PEX14: variants seen among roughly 807,000 people sequenced by gnomAD.
PEX14 encodes the protein peroxisomal membrane protein PEX14.
A neutral mutation model predicts 49.5 loss-of-function variants in PEX14; 15 were observed. The observed-to-expected ratio is 0.30, with a 90% confidence interval of 0.20 to 0.47. The LOEUF (loss-of-function observed/expected upper bound fraction) is 0.47, where lower values mean the gene tolerates loss of function less well. PEX14 is among the 20% of genes least tolerant of loss of function. PEX14 has a pLI of 1.00. For synonymous variants in PEX14, 210 were observed against 212.7 expected (o/e 0.99, Z 0.11); for missense variants, 398 against 494.8 (o/e 0.80, Z 1.86).
intron 3 of PEX14, among the ~76,000 whole-genome samples, chr1:10,572,828 G>A (rs34697250): frequency 1.3e-5 from 2 of 152,158 alleles, no homozygotes; most frequent in South Asian, 2.1e-4. Flanking sequence ...GAGCTACCGC[G>A]CCTGGCCAGA....
chr1:10,502,664 G>A (rs1641702065), intron 2 of PEX14, among the ~76,000 whole-genome samples: 1 of 152,050 alleles, frequency 6.6e-6, no homozygotes, highest in African/African-American at 2.4e-5. Flanking sequence ...TGTTGTTCCT[G>A]TAATCAGAGG....
intron 2 of PEX14, among the ~76,000 whole-genome samples, chr1:10,499,494 G>A (rs1007872871): frequency 7.0e-6 from 1 of 142,970 alleles, no homozygotes; most frequent in Non-Finnish European, 1.5e-5. Flanking sequence ...TGTCACCCAG[G>A]CTGGAGTGCA....
At chr1:10,541,045 G>A (rs1000493868) in intron 3 of PEX14, among the ~76,000 whole-genome samples, 2 of 152,130 alleles carry the variant, frequency 1.3e-5, no homozygotes, top group African/African-American at 4.8e-5. Context: ...CTTTCTGTTC[G>A]TTATAGACGA....
chr1:10,506,541 T>A (rs1024059116), intron 2 of PEX14, among the ~76,000 whole-genome samples: 1 of 152,216 alleles, frequency 6.6e-6, no homozygotes, highest in Non-Finnish European at 1.5e-5. Flanking sequence ...CCTCCCAAAG[T>A]TCTGGGATTA....
At chr1:10,580,052 A>G (rs952224138) in intron 3 of PEX14, among the ~76,000 whole-genome samples, 2 of 152,072 alleles carry the variant, frequency 1.3e-5, no homozygotes, top group Non-Finnish European at 2.9e-5. Flanking sequence ...TGTTAAATAC[A>G]TAGGAAAATA....
In PEX14 at chr1:10,529,209, C is replaced by G. The variant is rs1020239369; in HGVS notation, c.85-7004C>G. Among the ~76,000 whole-genome samples, 1 of 152,226 alleles carries G rather than the reference C, an allele frequency of 6.6e-6. No individual in the cohort carries two copies. Among genetic ancestry groups the G allele is most frequent in the African/African-American group, 2.4e-5 (1 of 41,462 alleles). ...ACCTTTCCTAAAAAGGAACTTTGAT[C>G]TTCCCAACCCACAAGCAAGGGTTTC... On this transcript the variant is annotated intron_variant, in intron 2 of 8. Transcript: ENST00000356607. This position sits in a 1 kb window ranked among gnomAD's most constrained non-coding sequence, Gnocchi z 4.2.
Position 10,597,046 on chromosome 1 carries a change from C to A in PEX14, c.170-2192C>A, listed in dbSNP as rs1199925725. Among the ~76,000 whole-genome samples, 1 of 152,248 alleles carries A rather than the reference C, an allele frequency of 6.6e-6. No homozygotes were observed. Among genetic ancestry groups the A allele is most frequent in the African/African-American group, 2.4e-5 (1 of 41,466 alleles). On this transcript the variant is annotated intron_variant, in intron 3 of 8. Coordinates refer to ENST00000356607, the MANE Select transcript of PEX14 (RefSeq NM_004565.3). This position sits in a 1 kb window ranked among gnomAD's most constrained non-coding sequence, Gnocchi z 5.7. ...CAGAACTGCGGGCAGGGCGTCCTGT[C>A]CCTTTAACCAGCTCCGGCCCTCAGG... is the stretch of plus-strand genomic sequence containing the variant.
intron 4 of PEX14, among the ~76,000 whole-genome samples, chr1:10,610,006 A>G (rs1231894672): frequency 6.7e-6 from 1 of 149,920 alleles, no homozygotes; most frequent in Non-Finnish European, 1.5e-5. Flanking sequence ...TCATGTTTTT[A>G]TATACATATA....
At chr1:10,566,569 A>G (rs548620528) in intron 3 of PEX14, among the ~76,000 whole-genome samples, 1 of 151,538 alleles carries the variant, frequency 6.6e-6, no homozygotes, top group South Asian at 2.1e-4. Flanking sequence ...ACTCTCTGCA[A>G]CCTCCGCCTC....
intron 3 of PEX14, among the ~76,000 whole-genome samples, chr1:10,570,579 G>T (rs1306710731): frequency 1.4e-4 from 21 of 152,092 alleles, no homozygotes. Context: ...TGATCCGCCC[G>T]CCTCAGCCTC....
chr1:10,541,111 T>C (rs1181327662), intron 3 of PEX14, among the ~76,000 whole-genome samples: 1 of 152,130 alleles, frequency 6.6e-6, no homozygotes, highest in Non-Finnish European at 1.5e-5. Flanking sequence ...GTGAACCAAA[T>C]AGGCCGATCT....
At position 10,536,209 on chromosome 1, in the gene PEX14, C is replaced by A; in HGVS notation, c.85-4C>A. ...TTACTCCTCTATTTTCTCTCTCTCA[C>A]CAGATTGCCACGGCAGTGAAGTTTC... On this transcript the variant is annotated splice_region_variant and splice_polypyrimidine_tract_variant and intron_variant, in intron 2 of 8. Transcript: ENST00000356607. 1 of 1,590,642 alleles carries A rather than the reference C, an allele frequency of 6.3e-7. No individual in the cohort carries two copies. Among genetic ancestry groups the A allele is most frequent in the Non-Finnish European group, 8.6e-7 (1 of 1,158,540 alleles).
At chr1:10,518,196 G>T (rs982303602) in intron 2 of PEX14, among the ~76,000 whole-genome samples, 1 of 151,972 alleles carries the variant, frequency 6.6e-6, no homozygotes, top group Non-Finnish European at 1.5e-5. Flanking sequence ...CTTTATTTCG[G>T]TCCCTGACTA....
At chr1:10,607,337 G>T (rs1002831463) in intron 4 of PEX14, among the ~76,000 whole-genome samples, 1 of 151,858 alleles carries the variant, frequency 6.6e-6, no homozygotes, top group Admixed American at 6.6e-5. Context: ...GAGCTATTAC[G>T]AATAAAACTT....
intron 3 of PEX14, among the ~76,000 whole-genome samples, chr1:10,578,092 G>A (rs978078122): frequency 1.3e-5 from 2 of 152,202 alleles, no homozygotes; most frequent in African/African-American, 4.8e-5. Flanking sequence ...TGTGTGTCGG[G>A]AAATTGAAGA....
intron 3 of PEX14, among the ~76,000 whole-genome samples, chr1:10,571,000 C>T (rs1001159285): frequency 1.3e-5 from 2 of 150,378 alleles, no homozygotes; most frequent in African/African-American, 2.4e-5. Context: ...AGGCACACGC[C>T]ACCACGCCTG....
At chr1:10,566,827 T>G (rs1177919913) in intron 3 of PEX14, among the ~76,000 whole-genome samples, 1 of 152,154 alleles carries the variant, frequency 6.6e-6, no homozygotes, top group Admixed American at 6.6e-5. Flanking sequence ...ACCAGTATTA[T>G]TTTTTAAACC....
In PEX14 at chr1:10,623,384, C is replaced by T. The variant is rs780855109; in HGVS notation, c.487+263C>T. 3.3e-5 allele frequency: 14 copies of T among 430,468 alleles called. No homozygotes were observed. The highest frequency in any genetic ancestry group is 4.8e-5 in the Non-Finnish European group (11 of 229,538). The allele number at this position is 430,468 out of a possible 1,614,324, so 26.7% of individuals were successfully genotyped here. The stretch of plus-strand genomic sequence containing the variant: ...AATATTAATAAGGGGAATAAAATGA[C>T]AGCCTTTCTAAGGGCTGTAAAGTTC... On this transcript the variant is annotated intron_variant, in intron 6 of 8. Coordinates refer to ENST00000356607, the MANE Select transcript of PEX14 (RefSeq NM_004565.3). The surrounding 1 kb of genome is among the most constrained non-coding windows in gnomAD (Gnocchi z 4.4).
At chr1:10,575,305 C>T (rs11121596) in intron 3 of PEX14, among the ~76,000 whole-genome samples, 23,711 of 152,002 alleles carry the variant, frequency 0.16, 2,124 homozygotes, top group South Asian at 0.31. Flanking sequence ...AATTTAAAAA[C>T]GCATAGTTGA....
Sources: gnomAD v4.1 joint callset for allele counts (sites outside exome capture counted in the v4.1 genomes callset) on GRCh38, gnomAD v4.1.1 for gene constraint, Gnocchi (gnomAD v3.1) non-coding constraint, MANE v1.5 for transcripts, NCBI Gene and HGNC (gene_info 2026-07-23, HGNC 2026-07-21) for gene names.